Variants in ARHGEF28 observed in about 807,000 individuals in gnomAD.
The protein encoded by ARHGEF28 is Rho guanine nucleotide exchange factor 28, also known as 190 kDa guanine nucleotide exchange factor.
In ARHGEF28, 152 loss-of-function variants were observed where a neutral mutation model predicts 206.6. That is an observed-to-expected ratio of 0.74 (90% CI 0.64 to 0.84). The LOEUF is 0.84. Among genes scored for constraint, ARHGEF28 ranks in the 40% least tolerant of loss-of-function variants. ARHGEF28 has a pLI of 0.00. For missense variants in ARHGEF28, 2,028 were observed against 2,073.2 expected, an observed-to-expected ratio of 0.98 and a Z score of 0.42; for synonymous variants, 763 against 776.4, an observed-to-expected ratio of 0.98 and a Z score of 0.29.
At chr5:73,753,481 G>T (rs1185470371) in intron 4 of ARHGEF28, among the ~76,000 whole-genome samples, 4 of 152,210 alleles carry the variant, frequency 2.6e-5, no homozygotes, top group Non-Finnish European at 4.4e-5. Flanking sequence ...GCTCTGGGCT[G>T]TGGCTCCACT....
At chr5:73,742,203 C>G (rs1221382810) in intron 2 of ARHGEF28, among the ~76,000 whole-genome samples, 1 of 151,724 alleles carries the variant, frequency 6.6e-6, no homozygotes, top group Admixed American at 6.6e-5. Context: ...TAAAGTATGT[C>G]TCTTGTTGGC....
In ARHGEF28 at chr5:73,780,505, T is replaced by A. The variant is rs1330359525; in HGVS notation, c.841-171T>A. On this transcript the variant is annotated intron_variant, in intron 6 of 35. Transcript: ENST00000513042. ...GAGTTTCTCCTGACTTTGCTCGCCC[T>A]CCTGCTGGGGTGCTGGCTATATGTT... 3 of 624,414 alleles carry A rather than the reference T, an allele frequency of 4.8e-6. No homozygotes were observed. The Admixed American group carries it at 8.9e-5, about 18-fold the overall frequency. The allele number at this position is 624,414 out of a possible 1,614,324, so 38.7% of individuals were successfully genotyped here.
chr5:73,718,753 A>G (rs1749740618), intron 2 of ARHGEF28, among the ~76,000 whole-genome samples: 1 of 152,098 alleles, frequency 6.6e-6, no homozygotes, highest in African/African-American at 2.4e-5. Flanking sequence ...CTCCTGAGGG[A>G]CATCTTTCTT....
chr5:73,714,556 G>A (rs2112315563), intron 2 of ARHGEF28, among the ~76,000 whole-genome samples: 1 of 152,254 alleles, frequency 6.6e-6, no homozygotes, highest in South Asian at 2.1e-4. Context: ...AGGACATCCT[G>A]TGTTTGCTTT....
At chr5:73,655,893 T>C (rs911700946) in intron 1 of ARHGEF28, among the ~76,000 whole-genome samples, 1 of 152,084 alleles carries the variant, frequency 6.6e-6, no homozygotes, top group Non-Finnish European at 1.5e-5. Flanking sequence ...TTGGGGGCGG[T>C]TTTCTCACAA....
chr5:73,797,174 A>G (rs1754870906), intron 9 of ARHGEF28, among the ~76,000 whole-genome samples: 1 of 152,242 alleles, frequency 6.6e-6, no homozygotes, highest in African/African-American at 2.4e-5. Context: ...GAAAAGGACC[A>G]TGATGAGTGT....
chr5:73,664,184 C>T (rs994313392), intron 1 of ARHGEF28, among the ~76,000 whole-genome samples: 1 of 152,242 alleles, frequency 6.6e-6, no homozygotes, highest in Non-Finnish European at 1.5e-5. Context: ...TCTACCAACA[C>T]AGCTGTGGCC....
At chr5:73,727,239 G>T (rs952303208) in intron 2 of ARHGEF28, among the ~76,000 whole-genome samples, 5 of 152,110 alleles carry the variant, frequency 3.3e-5, no homozygotes, top group African/African-American at 9.7e-5. Flanking sequence ...AAGAAGATGG[G>T]CAAGTTTCTT....
chr5:73,717,615 T>G (rs1749663163), intron 2 of ARHGEF28, among the ~76,000 whole-genome samples: 1 of 152,226 alleles, frequency 6.6e-6, no homozygotes, highest in African/African-American at 2.4e-5. Flanking sequence ...TCATCATTTG[T>G]TACTACTTTC....
At chr5:73,885,252 T>C (rs1469845580) in intron 24 of ARHGEF28, among the ~76,000 whole-genome samples, 1 of 151,900 alleles carries the variant, frequency 6.6e-6, no homozygotes, top group Non-Finnish European at 1.5e-5. Context: ...AGATTATTGA[T>C]TACCTATGTC....
rs889538743 is a variant in ARHGEF28, at chr5:73,892,191, G to A, written c.3527G>A (p.Arg1176His). 6.4e-6 allele frequency: 10 copies of A among 1,574,542 alleles called. No individual in the cohort carries two copies. Among genetic ancestry groups the A allele is most frequent in the Admixed American group, 5.6e-5 (3 of 54,034 alleles). Residue 1176 changes from arginine to histidine, a missense_variant, in exon 27 of 36, where the codon CGC becomes CAC. Around this residue, in one of 3 missense-constraint regions of ARHGEF28, gnomAD observed 803 missense variants for 768.0 expected, o/e 1.05. Coordinates refer to ENST00000513042, the MANE Select transcript of ARHGEF28 (RefSeq NM_001177693.2). ...YEIHTNSKEE[R>H]NNWMRRIQQA... ...ATTCACACCAATTCCAAGGAGGAACGCAATAACTGGATGAGACGGATCCAG... is the reference window on the plus strand; with the variant it reads ...ATTCACACCAATTCCAAGGAGGAACACAATAACTGGATGAGACGGATCCAG...
intron 11 of ARHGEF28, among the ~76,000 whole-genome samples, chr5:73,842,578 C>T (rs886562560): frequency 5.9e-5 from 9 of 152,264 alleles, no homozygotes; most frequent in East Asian, 1.9e-4. Flanking sequence ...TTGAACTGTC[C>T]ACACGTCTGC....
rs1246022600 is a variant in ARHGEF28, at chr5:73,941,257, A to G, written c.*244A>G. The G allele has an allele frequency of 4.5e-6, 1 of 220,602 alleles. No individual in the cohort carries two copies. The highest frequency in any genetic ancestry group is 8.8e-6 in the Non-Finnish European group (1 of 113,830). 13.7% of individuals were successfully genotyped at this position (220,602 alleles called of 1,614,324 possible). A position where few individuals can be genotyped will look rare whatever the true frequency, so the allele number is the denominator to read the frequency against. On this transcript the variant is annotated 3_prime_UTR_variant, in exon 36 of 36. Coordinates refer to ENST00000513042, the MANE Select transcript of ARHGEF28 (RefSeq NM_001177693.2). Reference sequence around the variant, plus strand: ...TTCTGGAGGAGAAACTAACTTGAATAAGCAGGACTATTTTAAAAGTTGTTT... The same window carrying G: ...TTCTGGAGGAGAAACTAACTTGAATGAGCAGGACTATTTTAAAAGTTGTTT...
chr5:73,885,779 G>GA, intron 24 of ARHGEF28, 71 bp from the exon 25 acceptor site: 1 of 1,424,912 alleles, frequency 7.0e-7, no homozygotes, highest in Non-Finnish European at 9.4e-7. Flanking sequence ...AACTAAAGAA[G>GA]AAGTTTTCTT....
intron 33 of ARHGEF28, chr5:73,909,142 C>T (rs570811682): frequency 2.6e-4 from 85 of 324,014 alleles, no homozygotes; most frequent in African/African-American, 1.7e-3. Context: ...CAGCAGCAAA[C>T]TACCTTCCCA....
At chr5:73,759,888 T>C (rs182695104) in intron 4 of ARHGEF28, among the ~76,000 whole-genome samples, 3 of 152,366 alleles carry the variant, frequency 2.0e-5, no homozygotes, top group South Asian at 2.1e-4. Context: ...CCTAGCAATG[T>C]TTGACAGAGA....
At chr5:73,908,249 A>C (rs1762656345) in intron 33 of ARHGEF28, among the ~76,000 whole-genome samples, 1 of 152,194 alleles carries the variant, frequency 6.6e-6, no homozygotes, top group Non-Finnish European at 1.5e-5. Flanking sequence ...GTATTCCAAG[A>C]CAAGTATGAA....
chr5:73,926,870 T>C (rs1214467844), intron 35 of ARHGEF28, among the ~76,000 whole-genome samples: 1 of 152,242 alleles, frequency 6.6e-6, no homozygotes, highest in South Asian at 2.1e-4. Context: ...GACACGTATG[T>C]AGTGGCCCTC....
chr5:73,666,888 C>G (rs1459475249), intron 1 of ARHGEF28, among the ~76,000 whole-genome samples: 4 of 152,124 alleles, frequency 2.6e-5, no homozygotes, highest in Non-Finnish European at 4.4e-5. Flanking sequence ...AGCTTCATGT[C>G]CCTTCAAGGG....
Sources: allele counts gnomAD v4.1 joint callset (sites outside exome capture counted in the v4.1 genomes callset), GRCh38; gene constraint gnomAD v4.1.1; regional missense constraint gnomAD v4.1.1; transcripts MANE v1.5; gene names NCBI Gene and HGNC (gene_info 2026-07-23, HGNC 2026-07-21).